DIP2C: variants seen among roughly 807,000 people sequenced by gnomAD.
DIP2C encodes DIP2 acetate--CoA ligase C (putative).
A neutral mutation model predicts 192.4 loss-of-function variants in DIP2C; 33 were observed. The ratio of observed to expected loss-of-function variants is 0.17; its 90% confidence interval spans 0.13 to 0.23. The LOEUF is 0.23. DIP2C is among the 10% of genes least tolerant of loss of function. DIP2C has a pLI of 1.00. For missense variants in DIP2C, 1,537 were observed against 2,110.1 expected (o/e 0.73, Z 5.32); for synonymous variants, 979 against 864.1 (o/e 1.13, Z -2.33).
chr10:301,233 G>C (rs1294766161), intron 32 of DIP2C, among the ~76,000 whole-genome samples: 2 of 152,214 alleles, frequency 1.3e-5, no homozygotes, highest in Non-Finnish European at 2.9e-5. Context: ...CCGTGGGGTG[G>C]CCGCGGGTGA....
chr10:425,583 AAT>A lies in DIP2C; in HGVS notation c.395-2552_395-2551del, dbSNP rs1966540812. ...TGATACAGCATGACCAGCAGTGACT[AAT>A]ATGAAATGGATGCAGCATGACCAGC... On this transcript the variant is annotated intron_variant, in intron 4 of 36. Transcript: ENST00000280886. Among the ~76,000 whole-genome samples the A allele has an allele frequency of 2.7e-5, 4 of 145,594 alleles. No homozygotes were observed. In the South Asian group the frequency reaches 8.6e-4, roughly 31 times the overall value.
chr10:587,609 T>TGC (rs1404294218), intron 1 of DIP2C, among the ~76,000 whole-genome samples: 2 of 151,328 alleles, frequency 1.3e-5, no homozygotes, highest in Non-Finnish European at 2.9e-5. Flanking sequence ...CACCAGGCAC[T>TGC]GCCTCAGCCC....
chr10:280,295 C>A (rs1249479765), intron 36 of DIP2C, among the ~76,000 whole-genome samples: 1 of 152,206 alleles, frequency 6.6e-6, no homozygotes, highest in Non-Finnish European at 1.5e-5. Context: ...AGAACCCATC[C>A]TTTCAACCCA....
At chr10:667,551 AAC>A (rs1294503024) in intron 1 of DIP2C, 2 of 152,272 alleles carry the variant, frequency 1.3e-5, no homozygotes, top group African/African-American at 2.4e-5. Flanking sequence ...GACAACACAC[AAC>A]ACACACAACA....
chr10:289,705 T>C (rs1398221655), intron 32 of DIP2C, among the ~76,000 whole-genome samples: 2 of 152,050 alleles, frequency 1.3e-5, no homozygotes, highest in Admixed American at 6.5e-5. Flanking sequence ...GAAGCCTGAG[T>C]GTCTCCGGGC....
chr10:486,630 G>A (rs940907583), intron 1 of DIP2C, 100 bp from the exon 2 acceptor site: 12 of 956,222 alleles, frequency 1.3e-5, no homozygotes, highest in South Asian at 4.3e-5. Flanking sequence ...TATCTTCTGT[G>A]TGCCTCATTG....
At chr10:444,510 G>A (rs1170663792) in intron 3 of DIP2C, among the ~76,000 whole-genome samples, 1 of 151,802 alleles carries the variant, frequency 6.6e-6, no homozygotes, top group African/African-American at 2.4e-5. Flanking sequence ...CATTCATGAG[G>A]AGTGTTTCTT....
intron 4 of DIP2C, among the ~76,000 whole-genome samples, chr10:424,035 C>T (rs1305923970): frequency 1.3e-5 from 2 of 152,152 alleles, no homozygotes; most frequent in African/African-American, 4.8e-5. Flanking sequence ...ACTTTTCATG[C>T]AGTACCAAGG....
At chr10:681,726 T>G (rs1234826420) in intron 1 of DIP2C, among the ~76,000 whole-genome samples, 4 of 152,250 alleles carry the variant, frequency 2.6e-5, no homozygotes, top group Non-Finnish European at 4.4e-5. Flanking sequence ...TCTAAAGTGT[T>G]ATTTGTTTTA....
chr10:674,797 G>GAA (rs1453216437), intron 1 of DIP2C, among the ~76,000 whole-genome samples: 1 of 45,966 alleles, frequency 2.2e-5, no homozygotes, highest in Non-Finnish European at 4.6e-5. Context: ...TATAGAGAGA[G>GAA]AGAGAGAGAG....
chr10:315,733 T>C (rs944523707), intron 31 of DIP2C, among the ~76,000 whole-genome samples: 5 of 152,248 alleles, frequency 3.3e-5, no homozygotes, highest in African/African-American at 4.8e-5. Flanking sequence ...CCTTCACTCC[T>C]GGCCATAGGT....
chr10:473,484 A>C (rs567819873), intron 2 of DIP2C, among the ~76,000 whole-genome samples: 6 of 151,538 alleles, frequency 4.0e-5, no homozygotes, highest in Admixed American at 3.9e-4. Context: ...AACGGCTCTG[A>C]TATCACAGAA....
intron 1 of DIP2C, among the ~76,000 whole-genome samples, chr10:521,123 C>G (rs1293973491): frequency 6.6e-6 from 1 of 152,174 alleles, no homozygotes; most frequent in Non-Finnish European, 1.5e-5. Flanking sequence ...AGCATTTTCA[C>G]AAATCTTTGA....
At chr10:428,493 T>C (rs1207849522) in intron 4 of DIP2C, among the ~76,000 whole-genome samples, 1 of 152,210 alleles carries the variant, frequency 6.6e-6, no homozygotes, top group Non-Finnish European at 1.5e-5. Flanking sequence ...TGGTCTCCAT[T>C]GTATCTTCAC....
rs569654240 is a variant in DIP2C at position 643,691 on chromosome 10, G to T, written c.85+45803C>A. Among the ~76,000 whole-genome samples, 4 of 152,338 alleles carry T rather than the reference G, an allele frequency of 2.6e-5. No homozygotes were observed. In the East Asian group the frequency reaches 5.8e-4, roughly 22 times the overall value. Reference sequence around the variant, plus strand: ...ATTCCCTAACCCTCGTTATGTCCATGTCACTCACAAGCAGGCACTGGGCCC... The same window carrying T: ...ATTCCCTAACCCTCGTTATGTCCATTTCACTCACAAGCAGGCACTGGGCCC... On this transcript the variant is annotated intron_variant, in intron 1 of 36. Coordinates refer to ENST00000280886, the MANE Select transcript of DIP2C (RefSeq NM_014974.3).
chr10:283,219 G>A, intron 35 of DIP2C, 53 bp downstream of exon 35: 1 of 1,582,488 alleles, frequency 6.3e-7, no homozygotes, highest in Non-Finnish European at 8.6e-7. Flanking sequence ...ATCTACAGGA[G>A]CCTAACCTCT....
intron 1 of DIP2C, among the ~76,000 whole-genome samples, chr10:642,540 C>G (rs1056852832): frequency 6.6e-6 from 1 of 152,264 alleles, no homozygotes; most frequent in African/African-American, 2.4e-5. Context: ...ACCCTCCTAA[C>G]ACATTGGCCA....
chr10:549,706 C>T (rs1325793668), intron 1 of DIP2C, among the ~76,000 whole-genome samples: 2 of 152,162 alleles, frequency 1.3e-5, no homozygotes, highest in Non-Finnish European at 2.9e-5. Flanking sequence ...GCCATGGGTG[C>T]CCTCGTCACT....
chr10:421,275 T>TTCC (rs1966164883), intron 5 of DIP2C, among the ~76,000 whole-genome samples: 1 of 152,216 alleles, frequency 6.6e-6, no homozygotes, highest in Admixed American at 6.5e-5. Context: ...GTACTAAAAC[T>TTCC]TCCTCCAGTA....
Sources: allele counts gnomAD v4.1 joint callset (sites outside exome capture counted in the v4.1 genomes callset), GRCh38; gene constraint gnomAD v4.1.1; transcripts MANE v1.5; gene names NCBI Gene and HGNC (gene_info 2026-07-23, HGNC 2026-07-21).